The following DET1 variants were observed in gnomAD, a reference collection of about 807,000 sequenced individuals.
The protein encoded by DET1 is DET1 partner of COP1 E3 ubiquitin ligase, also known as DET1 homolog.
A neutral mutation model predicts 43.7 loss-of-function variants in DET1; 22 were observed. That is an observed-to-expected ratio of 0.50 (90% CI 0.36 to 0.72). The LOEUF is 0.72. Ranked by LOEUF, DET1 falls within the 30% of genes least tolerant of loss-of-function variation. The pLI, the probability that DET1 is intolerant of heterozygous loss-of-function variation, is 0.00. For synonymous variants in DET1, 315 were observed against 266.2 expected, an observed-to-expected ratio of 1.18 and a Z score of -1.79; for missense variants, 713 against 713.3, an observed-to-expected ratio of 1.00 and a Z score of 0.00.
Position 88,504,331 on chromosome 15 carries a change from T to G in DET1, c.*2066-344A>C, listed in dbSNP as rs1453165911. On this transcript the variant is annotated intron_variant and NMD_transcript_variant, in intron 7 of 8. Coordinates refer to the DET1 transcript ENST00000557842. This position sits in a 1 kb window ranked among gnomAD's most constrained non-coding sequence, Gnocchi z 4.7. The stretch of plus-strand genomic sequence containing the variant: ...GAAAGTGGCACATCATCACTTCTAC[T>G]GTGTTTTATTGGTCATGCCAATCAA... The G allele has an allele frequency of 1.3e-5, 2 of 152,188 alleles. No individual in the cohort carries two copies. Among genetic ancestry groups the G allele is most frequent in the African/African-American group, 4.8e-5 (2 of 41,446 alleles). The allele number at this position is 152,188 out of a possible 1,614,324, so 9.4% of individuals were successfully genotyped here. A position where few individuals can be genotyped will look rare whatever the true frequency, so the allele number is the denominator to read the frequency against.
chr15:88,511,432 C>G, downstream of DET1: 1 of 985,480 alleles, frequency 1.0e-6, no homozygotes, highest in Non-Finnish European at 1.2e-6. Context: ...GCTTATTTAC[C>G]ATTTTCATAC....
intron 1 of DET1, among the ~76,000 whole-genome samples, chr15:88,544,116 C>T (rs1461848138): frequency 6.6e-6 from 1 of 152,192 alleles, no homozygotes; most frequent in Non-Finnish European, 1.5e-5. Flanking sequence ...GGGCTGCCTG[C>T]TGCCGCAGGG....
rs569475481 is a variant in DET1, at chr15:88,529,718, A to G, written c.1083+905T>C. The stretch of plus-strand genomic sequence containing the variant: ...ATTTGCTGGTTGTTCTGAATTTCCA[A>G]ACTAGTGTCTAAGGAGACAATCTGC... On this transcript the variant is annotated intron_variant, in intron 2 of 4. Coordinates refer to ENST00000268148, the MANE Select transcript of DET1 (RefSeq NM_001144074.3). 8.5e-5 allele frequency among the ~76,000 whole-genome samples: 13 copies of G among 152,330 alleles called. No homozygotes were observed. The East Asian group carries it at 2.1e-3, about 25-fold the overall frequency.
At chr15:88,545,530 A>G (rs2057229353) in intron 1 of DET1, among the ~76,000 whole-genome samples, 1 of 152,204 alleles carries the variant, frequency 6.6e-6, no homozygotes, top group Non-Finnish European at 1.5e-5. Flanking sequence ...CTGGCTAACT[A>G]CTTTAATCAC....
intron 1 of DET1, among the ~76,000 whole-genome samples, chr15:88,541,570 G>A (rs116247571): frequency 0.022 from 3,396 of 152,208 alleles, 98 homozygotes; most frequent in African/African-American, 0.077. Context: ...GGCAAGCTCC[G>A]GACACTCTGT....
chr15:88,532,228 G>C (rs996499684), intron 1 of DET1, among the ~76,000 whole-genome samples: 2 of 152,142 alleles, frequency 1.3e-5, no homozygotes, highest in Non-Finnish European at 2.9e-5. Flanking sequence ...GTTTAAGCTT[G>C]GATCATCGAA....
At chr15:88,506,340 C>T (rs2056141044) in intron 7 of DET1, among the ~76,000 whole-genome samples, 1 of 152,176 alleles carries the variant, frequency 6.6e-6, no homozygotes, top group Non-Finnish European at 1.5e-5. Flanking sequence ...TTCTATCAGG[C>T]ACCATGGATA....
At position 88,529,002 on chromosome 15, in the gene DET1, G is replaced by C. The variant is rs897232570; in HGVS notation, c.1084-1216C>G. On this transcript the variant is annotated intron_variant, in intron 2 of 4. Transcript: ENST00000268148. ...CCTATCAAATTAAACTGGAGGAGGAGAGCAAAGGACAACTGGGGCAGAAAG... is the reference window on the plus strand; with the variant it reads ...CCTATCAAATTAAACTGGAGGAGGACAGCAAAGGACAACTGGGGCAGAAAG... Among the ~76,000 whole-genome samples, 4 of 152,160 alleles carry C rather than the reference G, an allele frequency of 2.6e-5. No individual in the cohort carries two copies. In the East Asian group the frequency reaches 5.8e-4, roughly 22 times the overall value.
intron 7 of DET1, chr15:88,505,179 A>G (rs776856601): frequency 5.3e-5 from 8 of 152,188 alleles, no homozygotes; most frequent in Non-Finnish European, 8.8e-5. Context: ...TCACATCTCA[A>G]TGATTAGTCC....
chr15:88,538,596 A>G (rs534929091), intron 1 of DET1, among the ~76,000 whole-genome samples: 7 of 152,262 alleles, frequency 4.6e-5, no homozygotes, highest in African/African-American at 1.7e-4. Context: ...AGGACTCTTA[A>G]TTAGTCTCAA....
intron 2 of DET1, among the ~76,000 whole-genome samples, chr15:88,529,987 G>C (rs2056768817): frequency 6.6e-6 from 1 of 152,136 alleles, no homozygotes; most frequent in African/African-American, 2.4e-5. Context: ...AAGATTTGCT[G>C]TCCTGATGAC....
intron 1 of DET1, among the ~76,000 whole-genome samples, chr15:88,545,735 C>G (rs1220851548): frequency 6.6e-6 from 1 of 151,346 alleles, no homozygotes; most frequent in African/African-American, 2.4e-5. Flanking sequence ...AATGCCCAAC[C>G]TGGTTTTTAC....
rs773475865 is a variant in DET1 at position 88,531,887 on chromosome 15, T to C, written c.-10-172A>G. 3.1e-6 allele frequency: 2 copies of C among 640,646 alleles called. No homozygotes were observed. The highest frequency in any genetic ancestry group is 3.1e-5 in the Admixed American group (1 of 31,846). 39.7% of individuals were successfully genotyped at this position (640,646 alleles called of 1,614,324 possible). ...TTATACTGAGTAAGTGGTCCTAACATTTCTAAGTCTAGAAACAGGTCTAAG... is the reference window on the plus strand; with the variant it reads ...TTATACTGAGTAAGTGGTCCTAACACTTCTAAGTCTAGAAACAGGTCTAAG... On this transcript the variant is annotated intron_variant, in intron 1 of 4. Transcript: ENST00000268148. The surrounding 1 kb of genome is among the most constrained non-coding windows in gnomAD (Gnocchi z 6.2).
At chr15:88,510,529 C>A (rs2056186148), downstream of DET1, among the ~76,000 whole-genome samples, 1 of 152,210 alleles carries the variant, frequency 6.6e-6, no homozygotes, top group African/African-American at 2.4e-5. Flanking sequence ...ATGGGTAGTA[C>A]ACTACAAGAA....
At chr15:88,520,127 C>T (rs1333688300) in intron 3 of DET1, among the ~76,000 whole-genome samples, 2 of 152,194 alleles carry the variant, frequency 1.3e-5, no homozygotes, top group African/African-American at 2.4e-5. Context: ...AGCAGTTCTT[C>T]CACTTTCCTA....
At position 88,516,632 on chromosome 15, in the gene DET1, C is replaced by T. The variant is rs761417778; in HGVS notation, c.1463+150G>A. ...GACTAGCACCTAAATGATCACAGCT[C>T]TCACTGCATTATAGAAATAGCCTGC... On this transcript the variant is annotated intron_variant, in intron 4 of 4. Coordinates refer to ENST00000268148, the MANE Select transcript of DET1 (RefSeq NM_001144074.3). This position sits in a 1 kb window ranked among gnomAD's most constrained non-coding sequence, Gnocchi z 4.4. 1.5e-5 allele frequency: 9 copies of T among 606,076 alleles called. No individual in the cohort carries two copies. Among genetic ancestry groups the T allele is most frequent in the Non-Finnish European group, 2.4e-5 (9 of 378,074 alleles). 37.5% of individuals were successfully genotyped at this position (606,076 alleles called of 1,614,324 possible). A position where few individuals can be genotyped will look rare whatever the true frequency, so the allele number is the denominator to read the frequency against.
intron 7 of DET1, among the ~76,000 whole-genome samples, chr15:88,507,398 C>G (rs563457495): frequency 6.6e-6 from 1 of 152,200 alleles, no homozygotes; most frequent in Non-Finnish European, 1.5e-5. Flanking sequence ...TCTCATATAG[C>G]TTCAATATCT....
intron 3 of DET1, among the ~76,000 whole-genome samples, chr15:88,523,109 C>T (rs2056547179): frequency 6.6e-6 from 1 of 151,990 alleles, no homozygotes; most frequent in African/African-American, 2.4e-5. Context: ...CTCCTGAGCT[C>T]AAGCGATCAG....
intron 3 of DET1, among the ~76,000 whole-genome samples, chr15:88,523,520 G>T (rs577703204): frequency 1.3e-5 from 2 of 152,026 alleles, no homozygotes; most frequent in African/African-American, 4.8e-5. Flanking sequence ...CCGCCATCTC[G>T]GCTCACTGCA....
Sources: gnomAD v4.1 joint callset for allele counts (sites outside exome capture counted in the v4.1 genomes callset) on GRCh38, gnomAD v4.1.1 for gene constraint, Gnocchi (gnomAD v3.1) non-coding constraint, MANE v1.5 for transcripts, NCBI Gene and HGNC (gene_info 2026-07-23, HGNC 2026-07-21) for gene names.